Variants in LRRTM3 observed in about 807,000 individuals in gnomAD.
LRRTM3 encodes the protein leucine rich repeat transmembrane neuronal 3.
LRRTM3 carries 24 observed loss-of-function variants against 44.7 expected under a neutral mutation model. The ratio of observed to expected loss-of-function variants is 0.54; its 90% CI spans 0.39 to 0.76. The LOEUF (loss-of-function observed/expected upper bound fraction) is 0.76, where lower values mean the gene tolerates loss of function less well. LRRTM3 is among the 30% of genes least tolerant of loss of function. The probability of loss-of-function intolerance (pLI) is 0.00; values close to 1 mark genes in which losing one functional copy is unlikely to be tolerated. For synonymous variants in LRRTM3, 277 were observed against 278.7 expected, an observed-to-expected ratio of 0.99 and a Z score of 0.06; for missense variants, 587 against 702.2, an observed-to-expected ratio of 0.84 and a Z score of 1.85.
intron 2 of LRRTM3, among the ~76,000 whole-genome samples, chr10:67,017,934 T>C (rs547122569): frequency 2.0e-5 from 3 of 152,140 alleles, no homozygotes; most frequent in African/African-American, 7.2e-5. Flanking sequence ...CACGCCCAGC[T>C]AATTTTTGTA....
intron 2 of LRRTM3, among the ~76,000 whole-genome samples, chr10:67,036,095 C>A (rs1854034576): frequency 6.6e-6 from 1 of 152,078 alleles, no homozygotes; most frequent in Non-Finnish European, 1.5e-5. Context: ...AGATATTAGA[C>A]CTTAGTAGAG....
intron 2 of LRRTM3, 63 bp downstream of exon 2, chr10:66,928,515 C>A: frequency 3.5e-6 from 5 of 1,447,844 alleles, no homozygotes; most frequent in Non-Finnish European, 4.7e-6. Context: ...CTTTATTGAA[C>A]TCTGGTGACT....
chr10:66,981,077 G>T (rs1383341667), intron 2 of LRRTM3, among the ~76,000 whole-genome samples: 1 of 151,906 alleles, frequency 6.6e-6, no homozygotes, highest in Non-Finnish European at 1.5e-5. Flanking sequence ...GGCTAATTTT[G>T]TATTTTTACT....
intron 2 of LRRTM3, among the ~76,000 whole-genome samples, chr10:67,005,811 G>A (rs960323931): frequency 3.4e-5 from 5 of 147,304 alleles, no homozygotes; most frequent in Non-Finnish European, 5.9e-5. Context: ...TCAGCCTCCC[G>A]AGTAACTGGG....
At chr10:67,061,182 G>A (rs534284428) in intron 2 of LRRTM3, among the ~76,000 whole-genome samples, 31 of 152,252 alleles carry the variant, frequency 2.0e-4, no homozygotes, top group South Asian at 1.0e-3. Flanking sequence ...CTTCCTCTAT[G>A]ATACCTGGCA....
intron 2 of LRRTM3, among the ~76,000 whole-genome samples, chr10:67,041,427 G>A (rs996336051): frequency 3.3e-5 from 5 of 152,060 alleles, no homozygotes; most frequent in African/African-American, 1.2e-4. Flanking sequence ...GTATACCTAT[G>A]TTGCAAATAT....
At chr10:67,016,623 T>C (rs1852676054) in intron 2 of LRRTM3, among the ~76,000 whole-genome samples, 1 of 152,142 alleles carries the variant, frequency 6.6e-6, no homozygotes, top group Non-Finnish European at 1.5e-5. Flanking sequence ...GAAACTAAGC[T>C]CTCTTTAATC....
rs553825135 is a variant in LRRTM3 at position 66,953,670 on chromosome 10, A to G, written c.1536+25218A>G. 4.6e-5 allele frequency among the ~76,000 whole-genome samples: 7 copies of G among 152,314 alleles called. No homozygotes were observed. In the South Asian group the frequency reaches 1.4e-3, roughly 32 times the overall value. On this transcript the variant is annotated intron_variant, in intron 2 of 2. Coordinates refer to ENST00000361320, the MANE Select transcript of LRRTM3 (RefSeq NM_178011.5). ...TTAGAGAATTTCATCTATTTTCTAC[A>G]TAATAATTTTATCTTTGAAACTTAA... is the stretch of plus-strand genomic sequence containing the variant.
chr10:67,036,154 T>A (rs1352980732), intron 2 of LRRTM3, among the ~76,000 whole-genome samples: 1 of 152,110 alleles, frequency 6.6e-6, no homozygotes, highest in Admixed American at 6.6e-5. Context: ...TTATTTTATT[T>A]TATTTTATCT....
At chr10:66,987,671 C>A (rs1850810292) in intron 2 of LRRTM3, among the ~76,000 whole-genome samples, 1 of 152,110 alleles carries the variant, frequency 6.6e-6, no homozygotes, top group South Asian at 2.1e-4. Context: ...ACCATTTTTC[C>A]ATTCAAAGAC....
At chr10:66,984,605 G>T (rs1189266580) in intron 2 of LRRTM3, among the ~76,000 whole-genome samples, 2 of 152,110 alleles carry the variant, frequency 1.3e-5, no homozygotes, top group African/African-American at 4.8e-5. Flanking sequence ...ATGCGTTCAT[G>T]ATTCCTTTTA....
intron 2 of LRRTM3, among the ~76,000 whole-genome samples, chr10:67,087,614 C>G (rs1857377878): frequency 6.6e-6 from 1 of 151,812 alleles, no homozygotes; most frequent in Admixed American, 6.6e-5. Context: ...TAAAGTGGAT[C>G]TCAAACATCA....
intron 2 of LRRTM3, among the ~76,000 whole-genome samples, chr10:67,047,199 C>T (rs1778520145): frequency 6.6e-6 from 1 of 152,090 alleles, no homozygotes; most frequent in African/African-American, 2.4e-5. Flanking sequence ...ATTGTTTTAA[C>T]ATTTTTTCTG....
At position 66,926,517 on chromosome 10, in the gene LRRTM3, G is replaced by T. The variant is rs978019448; in HGVS notation, c.-67G>T. On this transcript the variant is annotated 5_prime_UTR_variant, in exon 1 of 3. Coordinates refer to ENST00000361320, the MANE Select transcript of LRRTM3 (RefSeq NM_178011.5). The stretch of plus-strand genomic sequence containing the variant: ...ACTCACTACAGTGCAGCTGACAGGG[G>T]CTGTCATGCAACTGGCCCCTAAGCC... The T allele has an allele frequency of 1.4e-4, 220 of 1,578,086 alleles. No homozygotes were observed. The highest frequency in any genetic ancestry group is 7.8e-4 in the Admixed American group (46 of 58,994).
intron 2 of LRRTM3, among the ~76,000 whole-genome samples, chr10:67,057,503 G>T (rs899839400): frequency 6.6e-6 from 1 of 152,082 alleles, no homozygotes; most frequent in Middle Eastern, 3.2e-3. Flanking sequence ...ACATATAAGT[G>T]GGACCATGCA....
At chr10:67,002,212 C>G (rs76397049) in intron 2 of LRRTM3, among the ~76,000 whole-genome samples, 17,185 of 152,100 alleles carry the variant, frequency 0.11, 1,232 homozygotes, top group South Asian at 0.28. Context: ...GAATGGGAAG[C>G]TTTTTCAAAA....
chr10:67,037,905 TCCAGGACAGAAAC>T, intron 2 of LRRTM3, among the ~76,000 whole-genome samples: 1 of 152,068 alleles, frequency 6.6e-6, no homozygotes, highest in Non-Finnish European at 1.5e-5. Flanking sequence ...TAAAAGAAGG[TCCAGGACAGAAAC>T]CCAGGAATAC....
At chr10:66,959,420 AG>A (rs2132763802) in intron 2 of LRRTM3, among the ~76,000 whole-genome samples, 1 of 152,294 alleles carries the variant, frequency 6.6e-6, no homozygotes, top group South Asian at 2.1e-4. Context: ...TATTTTATGA[AG>A]AGGAGTCAGG....
At chr10:67,089,984 A>G (rs1857534402) in intron 2 of LRRTM3, among the ~76,000 whole-genome samples, 1 of 152,092 alleles carries the variant, frequency 6.6e-6, no homozygotes, top group Non-Finnish European at 1.5e-5. Context: ...CTCATATGAA[A>G]CAAAATAATC....
Sources: gnomAD v4.1 joint callset for allele counts (sites outside exome capture counted in the v4.1 genomes callset) on GRCh38, gnomAD v4.1.1 for gene constraint, MANE v1.5 for transcripts, NCBI Gene and HGNC (gene_info 2026-07-23, HGNC 2026-07-21) for gene names.